Variants in TTC39B observed in about 807,000 individuals in gnomAD.
The protein encoded by TTC39B is tetratricopeptide repeat domain 39B.
Under a neutral mutation model 96.6 loss-of-function variants are expected in TTC39B, and 92 were observed. The ratio of observed to expected loss-of-function variants is 0.95; its 90% CI spans 0.80 to 1.13. The LOEUF is 1.13. TTC39B is among the 50% of genes most tolerant of loss of function. The probability of loss-of-function intolerance (pLI) is 0.00; values close to 1 mark genes in which losing one functional copy is unlikely to be tolerated. For missense variants in TTC39B, 955 were observed against 809.3 expected (o/e 1.18, Z -2.18); for synonymous variants, 367 against 299.4 (o/e 1.23, Z -2.33).
At chr9:15,279,015 G>A (rs1381278169) in intron 1 of TTC39B, among the ~76,000 whole-genome samples, 1 of 152,158 alleles carries the variant, frequency 6.6e-6, no homozygotes. Flanking sequence ...CCATAACTGA[G>A]CCTCAACTTT....
At chr9:15,176,378 A>T (rs1487709970) in intron 18 of TTC39B, among the ~76,000 whole-genome samples, 1 of 152,234 alleles carries the variant, frequency 6.6e-6, no homozygotes, top group Non-Finnish European at 1.5e-5. Flanking sequence ...TATTTCTTTA[A>T]CATGTTTACT....
chr9:15,228,445 C>T (rs896996387), intron 2 of TTC39B, among the ~76,000 whole-genome samples: 9 of 151,590 alleles, frequency 5.9e-5, no homozygotes, highest in African/African-American at 1.7e-4. Flanking sequence ...GCCTGGGTGA[C>T]AAGAGTGACA....
At chr9:15,251,798 C>G (rs2131509183) in intron 2 of TTC39B, among the ~76,000 whole-genome samples, 1 of 147,510 alleles carries the variant, frequency 6.8e-6, no homozygotes, top group South Asian at 2.2e-4. Flanking sequence ...TTTTAAATTA[C>G]CCTTTTCACA....
intron 2 of TTC39B, among the ~76,000 whole-genome samples, chr9:15,242,922 G>A (rs538374280): frequency 1.3e-3 from 205 of 152,320 alleles, no homozygotes; most frequent in Non-Finnish European, 1.3e-3. Context: ...CAGAGACAGC[G>A]ATTAAATGTG....
intron 2 of TTC39B, among the ~76,000 whole-genome samples, chr9:15,234,013 GT>G (rs1564373571): frequency 4.2e-5 from 5 of 120,400 alleles, no homozygotes; most frequent in African/African-American, 2.1e-4. Flanking sequence ...CCGCTGCCCC[GT>G]CTGGGATGTG....
intron 13 of TTC39B, 78 bp from the exon 14 acceptor site, chr9:15,188,210 C>G (rs1027033564): frequency 1.7e-5 from 24 of 1,435,920 alleles, no homozygotes; most frequent in Admixed American, 7.0e-5. Context: ...ATACATAAAA[C>G]ACTTAGTACA....
At chr9:15,274,077 A>G (rs1183972376) in intron 1 of TTC39B, among the ~76,000 whole-genome samples, 1 of 152,242 alleles carries the variant, frequency 6.6e-6, no homozygotes, top group Admixed American at 6.5e-5. Context: ...GAAACAGCAC[A>G]TTCCTAGTTA....
intron 6 of TTC39B, among the ~76,000 whole-genome samples, chr9:15,207,108 C>T (rs993566886): frequency 6.6e-6 from 1 of 152,168 alleles, no homozygotes; most frequent in African/African-American, 2.4e-5. Flanking sequence ...TTTAAGTTTC[C>T]TGAGGTCTCC....
At chr9:15,300,489 C>G (rs1218794969) in intron 1 of TTC39B, among the ~76,000 whole-genome samples, 1 of 152,214 alleles carries the variant, frequency 6.6e-6, no homozygotes, top group Non-Finnish European at 1.5e-5. Flanking sequence ...ACTGTTGCAA[C>G]AGCCTTTTGT....
intron 1 of TTC39B, among the ~76,000 whole-genome samples, chr9:15,303,451 G>C (rs1017141167): frequency 8.0e-5 from 12 of 150,708 alleles, no homozygotes; most frequent in African/African-American, 2.9e-4. Context: ...GTTCACTGCA[G>C]CCTCAACCTC....
chr9:15,281,265 G>C (rs1823751077), intron 1 of TTC39B, among the ~76,000 whole-genome samples: 1 of 152,056 alleles, frequency 6.6e-6, no homozygotes, highest in African/African-American at 2.4e-5. Context: ...CTGTAAAATG[G>C]GAATAACAGT....
chr9:15,227,454 A>C (rs921227253), intron 2 of TTC39B, among the ~76,000 whole-genome samples: 2 of 152,122 alleles, frequency 1.3e-5, no homozygotes, highest in Non-Finnish European at 2.9e-5. Context: ...AAGTTCCCTA[A>C]ATTTTTCACA....
chr9:15,293,327 G>C (rs1273748667), intron 1 of TTC39B, among the ~76,000 whole-genome samples: 2 of 152,164 alleles, frequency 1.3e-5, no homozygotes, highest in African/African-American at 2.4e-5. Context: ...ATTTCTCAGA[G>C]AGCATATACT....
At chr9:15,267,591 G>A (rs1272954286) in intron 2 of TTC39B, among the ~76,000 whole-genome samples, 1 of 152,044 alleles carries the variant, frequency 6.6e-6, no homozygotes, top group Admixed American at 6.6e-5. Context: ...ATAAAACTAA[G>A]TGCAAACCAA....
chr9:15,206,469 C>G (rs1261871252), intron 6 of TTC39B, among the ~76,000 whole-genome samples: 1 of 152,190 alleles, frequency 6.6e-6, no homozygotes, highest in Non-Finnish European at 1.5e-5. Context: ...TAAAATACAG[C>G]TTAATTTATA....
intron 6 of TTC39B, 118 bp downstream of exon 6, chr9:15,209,970 T>C (rs1372882136): frequency 6.8e-6 from 5 of 737,462 alleles, no homozygotes; most frequent in Non-Finnish European, 1.2e-5. Context: ...AGGGTGAGTA[T>C]GATAGGGAAG....
At chr9:15,254,927 T>G (rs1394604350) in intron 2 of TTC39B, among the ~76,000 whole-genome samples, 1 of 151,306 alleles carries the variant, frequency 6.6e-6, no homozygotes, top group Non-Finnish European at 1.5e-5. Context: ...AAAACTTTCC[T>G]AACTACTAAA....
chr9:15,177,598 T>G, intron 18 of TTC39B, 99 bp downstream of exon 18: 1 of 763,606 alleles, frequency 1.3e-6, no homozygotes, highest in Non-Finnish European at 2.2e-6. Flanking sequence ...CAAGTAAGAG[T>G]TTAGCAGTAA....
rs557984339 is a variant in TTC39B at position 15,302,220 on chromosome 9, G to A, written c.240+4864C>T. 4.0e-5 allele frequency among the ~76,000 whole-genome samples: 6 copies of A among 151,744 alleles called. No homozygotes were observed. The East Asian group carries it at 1.2e-3, about 30-fold the overall frequency. On this transcript the variant is annotated intron_variant, in intron 1 of 19. Transcript: ENST00000512701. Reference sequence around the variant, plus strand: ...GGGCGCCTGCAATTCCAGCTTCTCCGGAGGCTGAGGCAGGAGAATCACTTG... The same window carrying A: ...GGGCGCCTGCAATTCCAGCTTCTCCAGAGGCTGAGGCAGGAGAATCACTTG...
Sources: gnomAD v4.1 joint callset for allele counts (sites outside exome capture counted in the v4.1 genomes callset) on GRCh38, gnomAD v4.1.1 for gene constraint, MANE v1.5 for transcripts, NCBI Gene and HGNC (gene_info 2026-07-23, HGNC 2026-07-21) for gene names.